The following CACNA2D4 variants were observed in gnomAD, a reference collection of about 807,000 sequenced individuals.
The protein encoded by CACNA2D4 is calcium voltage-gated channel auxiliary subunit alpha2delta 4, also known as voltage-dependent calcium channel subunit alpha-2/delta-4.
CACNA2D4 carries 157 observed loss-of-function variants against 163.8 expected under a neutral mutation model. The observed-to-expected ratio is 0.96, with a 90% confidence interval of 0.84 to 1.09. CACNA2D4 has a LOEUF of 1.09. CACNA2D4 is among the 50% of genes least tolerant of loss of function. The pLI is 0.00. For missense variants in CACNA2D4, 1,410 were observed against 1,479.9 expected (o/e 0.95, Z 0.78); for synonymous variants, 598 against 586.9 (o/e 1.02, Z -0.27).
At chr12:1,851,680 T>TGTGTGTGTGTGTGTGCG (rs55736421) in intron 23 of CACNA2D4, among the ~76,000 whole-genome samples, 6 of 26,762 alleles carry the variant, frequency 2.2e-4, no homozygotes, top group African/African-American at 8.6e-4. Context: ...TGTGTGTGCG[T>TGTGTGTGTGTGTGTGCG]TTTTTTTTTT....
rs966971242 is a variant in CACNA2D4, at chr12:1,792,024, G to C, written c.*1631C>G. The C allele has an allele frequency of 6.6e-6, 1 of 152,170 alleles. No homozygotes were observed. The highest frequency in any genetic ancestry group is 1.5e-5 in the Non-Finnish European group (1 of 68,032). The allele number at this position is 152,170 out of a possible 1,614,324, so 9.4% of individuals were successfully genotyped here. On this transcript the variant is annotated 3_prime_UTR_variant, in exon 38 of 38. Transcript: ENST00000382722. ...TGCCAGGCAGTTTCAAGCATGTTAC[G>C]TGAATACATCACATTCAATCTTCAT...
rs1474523135 is a variant in CACNA2D4, at chr12:1,802,723, T to G, written c.2722-1079A>C. On this transcript the variant is annotated intron_variant, in intron 29 of 37. Coordinates refer to ENST00000382722, the MANE Select transcript of CACNA2D4 (RefSeq NM_172364.5). This position sits in a 1 kb window ranked among gnomAD's most constrained non-coding sequence, Gnocchi z 4.7. The stretch of plus-strand genomic sequence containing the variant: ...AGGAGGAGAGGTCCGGGGTCCGGCT[T>G]GGCTGTTCTCCCTGCCGATTACCCT... Among the ~76,000 whole-genome samples, 1 of 152,228 alleles carries G rather than the reference T, an allele frequency of 6.6e-6. No homozygotes were observed. Among genetic ancestry groups the G allele is most frequent in the East Asian group, 1.9e-4 (1 of 5,202 alleles).
intron 6 of CACNA2D4, among the ~76,000 whole-genome samples, chr12:1,905,921 T>C (rs1866649801): frequency 6.6e-6 from 1 of 152,176 alleles, no homozygotes; most frequent in Non-Finnish European, 1.5e-5. Flanking sequence ...CACTTCCTGA[T>C]TTTTAAGTTA....
At chr12:1,868,256 C>G (rs1160461055) in intron 18 of CACNA2D4, among the ~76,000 whole-genome samples, 1 of 152,094 alleles carries the variant, frequency 6.6e-6, no homozygotes, top group Non-Finnish European at 1.5e-5. Context: ...CTTATAAATA[C>G]AGAGGAATAT....
At chr12:1,805,495 GTCTGGC>G (rs1479323605) in intron 29 of CACNA2D4, among the ~76,000 whole-genome samples, 1 of 152,222 alleles carries the variant, frequency 6.6e-6, no homozygotes, top group Non-Finnish European at 1.5e-5. Context: ...AAGTCCCTGT[GTCTGGC>G]TCGGGTCGGG....
intron 35 of CACNA2D4, among the ~76,000 whole-genome samples, chr12:1,796,894 C>T (rs1863145120): frequency 6.6e-6 from 1 of 152,218 alleles, no homozygotes; most frequent in African/African-American, 2.4e-5. Flanking sequence ...TTATAACTAG[C>T]GGCTTCCACA....
At chr12:1,915,062 T>G (rs1866932370) in intron 1 of CACNA2D4, 127 bp from the exon 2 acceptor site, 1 of 744,278 alleles carries the variant, frequency 1.3e-6, no homozygotes, top group Admixed American at 2.0e-5. Flanking sequence ...TGCTGATGCA[T>G]GCATACTCCA....
chr12:1,828,023 G>T lies in CACNA2D4; in HGVS notation c.2551+12716C>A. 12 of 796,396 alleles carry T rather than the reference G, an allele frequency of 1.5e-5. No homozygotes were observed. Among genetic ancestry groups the T allele is most frequent in the Non-Finnish European group, 2.2e-5 (12 of 541,054 alleles). 49.3% of individuals were successfully genotyped at this position (796,396 alleles called of 1,614,324 possible). ...CCCGGGCCCTCTCCCTAACCCCTGG[G>T]CTGGAACGGGGCTCCCGCGCCTGCC... On this transcript the variant is annotated intron_variant, in intron 26 of 37. Transcript: ENST00000382722. This position sits in a 1 kb window ranked among gnomAD's most constrained non-coding sequence, Gnocchi z 4.2.
chr12:1,793,145 T>C lies in CACNA2D4; in HGVS notation c.*510A>G, dbSNP rs1341306781. On this transcript the variant is annotated 3_prime_UTR_variant, in exon 38 of 38. Coordinates refer to ENST00000382722, the MANE Select transcript of CACNA2D4 (RefSeq NM_172364.5). The stretch of plus-strand genomic sequence containing the variant: ...TGGCCTCCCACCATGAGCCTCACTT[T>C]GGGGAATCTATGCTTTAGTTGGGGC... The C allele has an allele frequency of 6.5e-6, 1 of 154,106 alleles. No individual in the cohort carries two copies. The highest frequency in any genetic ancestry group is 2.4e-5 in the African/African-American group (1 of 41,462). The allele number at this position is 154,106 out of a possible 1,614,324, so 9.5% of individuals were successfully genotyped here. A position where few individuals can be genotyped will look rare whatever the true frequency, so the allele number is the denominator to read the frequency against.
At chr12:1,840,249 G>A (rs1864984096) in intron 26 of CACNA2D4, among the ~76,000 whole-genome samples, 1 of 152,000 alleles carries the variant, frequency 6.6e-6, no homozygotes, top group Non-Finnish European at 1.5e-5. Context: ...TGATGATGAC[G>A]ATGATTGATA....
intron 26 of CACNA2D4, chr12:1,831,236 G>C: frequency 6.2e-7 from 1 of 1,613,802 alleles, no homozygotes; most frequent in Non-Finnish European, 8.5e-7. Context: ...AGCTTCAGCT[G>C]CGCAATAACA....
rs902346137 is a variant in CACNA2D4 at position 1,878,183 on chromosome 12, A to G, written c.1719+132T>C. Reference sequence around the variant, plus strand: ...AAAACAGGGACCATGACTCGAATACATTTTTTTTCTCATATTACCCACTGG... The same window carrying G: ...AAAACAGGGACCATGACTCGAATACGTTTTTTTTCTCATATTACCCACTGG... On this transcript the variant is annotated intron_variant, in intron 16 of 37. Transcript: ENST00000382722. The surrounding 1 kb of genome is among the most constrained non-coding windows in gnomAD (Gnocchi z 4.6). The G allele has an allele frequency of 9.8e-7, 1 of 1,016,334 alleles. No homozygotes were observed. The highest frequency in any genetic ancestry group is 1.6e-5 in the African/African-American group (1 of 62,042). The allele number at this position is 1,016,334 out of a possible 1,614,324, so 63.0% of individuals were successfully genotyped here. A position where few individuals can be genotyped will look rare whatever the true frequency, so the allele number is the denominator to read the frequency against.
At position 1,914,879 on chromosome 12, in the gene CACNA2D4, T is replaced by A; in HGVS notation, c.284A>T (p.Tyr95Phe). 1 of 1,613,614 alleles carries A rather than the reference T, an allele frequency of 6.2e-7. No homozygotes were observed. Among genetic ancestry groups the A allele is most frequent in the Non-Finnish European group, 8.5e-7 (1 of 1,179,678 alleles). Residue 95 changes from tyrosine to phenylalanine, a missense_variant, in exon 2 of 38, where the codon TAC becomes TTC. Tyr to Phe is a conservative substitution (Grantham distance 22). Coordinates refer to ENST00000382722, the MANE Select transcript of CACNA2D4 (RefSeq NM_172364.5). Reference sequence around the variant, plus strand: ...CTTCTGCAGCAAGAGAGAGCCTGAGTATTTGGTCACAGTGTTATACAGGTC... The same window carrying A: ...CTTCTGCAGCAAGAGAGAGCCTGAGAATTTGGTCACAGTGTTATACAGGTC... Reference protein sequence around the residue: ...GGDLYNTVTKYSGSLLLQKKY... With the variant: ...GGDLYNTVTKFSGSLLLQKKY...
intron 2 of CACNA2D4, among the ~76,000 whole-genome samples, chr12:1,914,164 C>T (rs1179138751): frequency 2.6e-5 from 4 of 152,136 alleles, no homozygotes; most frequent in Non-Finnish European, 5.9e-5. Flanking sequence ...GATTCAGGAT[C>T]TTTGTGATAT....
In CACNA2D4 at chr12:1,792,328, AGT is replaced by A. The variant is rs1285962366; in HGVS notation, c.*1325_*1326del. On this transcript the variant is annotated 3_prime_UTR_variant, in exon 38 of 38. Transcript: ENST00000382722. The stretch of plus-strand genomic sequence containing the variant: ...GTGACATTCTGTAACCGATAATGTA[AGT>A]GTGTTTTACAGAGTTGGCATTTGGC... 1 of 152,236 alleles carries A rather than the reference AGT, an allele frequency of 6.6e-6. No homozygotes were observed. The highest frequency in any genetic ancestry group is 1.5e-5 in the Non-Finnish European group (1 of 68,046). 9.4% of individuals were successfully genotyped at this position (152,236 alleles called of 1,614,324 possible).
chr12:1,878,802 C>T lies in CACNA2D4; in HGVS notation c.1644+154G>A, dbSNP rs1400143826. ...AGGGACCCAGGGGCACCAGTTGCTG[C>T]TCCCCTGCTCAGCACCTGCACTTCT... On this transcript the variant is annotated intron_variant, in intron 15 of 37. Transcript: ENST00000382722. This position sits in a 1 kb window ranked among gnomAD's most constrained non-coding sequence, Gnocchi z 4.6. 6.6e-6 allele frequency among the ~76,000 whole-genome samples: 1 copy of T among 152,220 alleles called. No homozygotes were observed. The highest frequency in any genetic ancestry group is 1.5e-5 in the Non-Finnish European group (1 of 68,040).
intron 26 of CACNA2D4, among the ~76,000 whole-genome samples, chr12:1,832,467 C>T (rs1294327232): frequency 1.3e-5 from 2 of 152,204 alleles, no homozygotes; most frequent in African/African-American, 4.8e-5. Flanking sequence ...ACTTGAAACA[C>T]CATTTGGCAC....
chr12:1,812,581 A>T (rs966102667), intron 26 of CACNA2D4, among the ~76,000 whole-genome samples: 16 of 152,254 alleles, frequency 1.1e-4, no homozygotes, highest in African/African-American at 3.6e-4. Flanking sequence ...GGCGCTTAGA[A>T]CGTGTCCAGC....
intron 29 of CACNA2D4, chr12:1,809,258 G>A (rs1863634509): frequency 2.0e-6 from 1 of 507,170 alleles, no homozygotes; most frequent in African/African-American, 1.9e-5. Context: ...TACCATGCGT[G>A]GAGGTGGCCT....
Sources: gnomAD v4.1 joint callset for allele counts (sites outside exome capture counted in the v4.1 genomes callset) on GRCh38, gnomAD v4.1.1 for gene constraint, Gnocchi (gnomAD v3.1) non-coding constraint, MANE v1.5 for transcripts, NCBI Gene and HGNC (gene_info 2026-07-23, HGNC 2026-07-21) for gene names.